The following NRXN3 variants were observed in gnomAD, a reference collection of about 807,000 sequenced individuals.
The protein encoded by NRXN3 is neurexin III.
Under a neutral mutation model 137.6 loss-of-function variants are expected in NRXN3, and 32 were observed. That is an observed-to-expected ratio of 0.23 (90% confidence interval 0.18 to 0.31). NRXN3 has a LOEUF of 0.31. Ranked by LOEUF, NRXN3 falls within the 10% of genes least tolerant of loss-of-function variation. NRXN3 has a pLI of 1.00. For synonymous variants in NRXN3, 798 were observed against 784.5 expected (o/e 1.02, Z -0.29); for missense variants, 1,574 against 2,062.5 (o/e 0.76, Z 4.59).
At chr14:78,216,057 T>C (rs2063245228) in intron 1 of NRXN3, among the ~76,000 whole-genome samples, 1 of 152,240 alleles carries the variant, frequency 6.6e-6, no homozygotes, top group Non-Finnish European at 1.5e-5. Context: ...GGGAGCATGG[T>C]ATAAAAACTT....
In NRXN3 at chr14:78,548,508, C is replaced by T. The variant is rs76417505; in HGVS notation, c.758-96612C>T. 4.2e-3 allele frequency among the ~76,000 whole-genome samples: 646 copies of T among 152,278 alleles called. 5 individuals are homozygous for T. The highest frequency in any genetic ancestry group is 0.014 in the African/African-American group (594 of 41,566). ...AGACAGAAGTTTTTTAAAAAATAAA[C>T]TCCACATACTGTATGTAACTGCACT... is the stretch of plus-strand genomic sequence containing the variant. On this transcript the variant is annotated intron_variant, in intron 4 of 20. Coordinates refer to ENST00000335750, the MANE Select transcript of NRXN3 (RefSeq NM_001330195.2).
At chr14:78,409,803 A>G (rs2092715000) in intron 4 of NRXN3, among the ~76,000 whole-genome samples, 1 of 152,304 alleles carries the variant, frequency 6.6e-6, no homozygotes. Flanking sequence ...ATGGTACTCT[A>G]TCAGGGTTAC....
chr14:79,167,730 T>C (rs1373220893), intron 15 of NRXN3, among the ~76,000 whole-genome samples: 1 of 151,914 alleles, frequency 6.6e-6, no homozygotes, highest in African/African-American at 2.4e-5. Context: ...TCTGGTTCAC[T>C]TCTCATGGGA....
At chr14:78,924,269 G>A (rs928075167) in intron 10 of NRXN3, among the ~76,000 whole-genome samples, 1 of 152,156 alleles carries the variant, frequency 6.6e-6, no homozygotes, top group African/African-American at 2.4e-5. Flanking sequence ...ACTTTAATAC[G>A]TGTGAGTATA....
chr14:79,065,626 G>C (rs1465941538), intron 15 of NRXN3, among the ~76,000 whole-genome samples: 1 of 152,030 alleles, frequency 6.6e-6, no homozygotes, highest in Non-Finnish European at 1.5e-5. Flanking sequence ...GGTGCTGGCG[G>C]GGTTGGTTTA....
chr14:78,226,488 A>T (rs1019058384), intron 1 of NRXN3, among the ~76,000 whole-genome samples: 1 of 152,216 alleles, frequency 6.6e-6, no homozygotes, highest in Non-Finnish European at 1.5e-5. Flanking sequence ...TGGGTATTTT[A>T]AAAAGAGAGA....
At chr14:79,226,961 C>T (rs545544298) in intron 15 of NRXN3, among the ~76,000 whole-genome samples, 1 of 151,572 alleles carries the variant, frequency 6.6e-6, no homozygotes, top group South Asian at 2.1e-4. Flanking sequence ...GCTAGGATTA[C>T]AGGCATGCAC....
At chr14:79,823,198 A>G (rs1193150926) in intron 20 of NRXN3, among the ~76,000 whole-genome samples, 1 of 152,170 alleles carries the variant, frequency 6.6e-6, no homozygotes, top group African/African-American at 2.4e-5. Flanking sequence ...TGGGTAATCT[A>G]TACCAATAAC....
intron 4 of NRXN3, among the ~76,000 whole-genome samples, chr14:78,594,901 A>C (rs1194573986): frequency 6.6e-6 from 1 of 152,222 alleles, no homozygotes; most frequent in Non-Finnish European, 1.5e-5. Flanking sequence ...TCAGTACCAC[A>C]GGAGTAACTC....
At chr14:78,676,535 G>A (rs2098009073) in intron 6 of NRXN3, among the ~76,000 whole-genome samples, 1 of 151,978 alleles carries the variant, frequency 6.6e-6, no homozygotes, top group Non-Finnish European at 1.5e-5. Context: ...AATTAGTAAA[G>A]GTTAGTTCAA....
At chr14:78,496,000 T>C (rs977106935) in intron 4 of NRXN3, among the ~76,000 whole-genome samples, 1 of 152,234 alleles carries the variant, frequency 6.6e-6, no homozygotes, top group Non-Finnish European at 1.5e-5. Context: ...TTAGCAAAAG[T>C]AGCACATTGA....
At chr14:78,405,240 C>T (rs1055218304) in intron 4 of NRXN3, among the ~76,000 whole-genome samples, 2 of 152,100 alleles carry the variant, frequency 1.3e-5, no homozygotes, top group African/African-American at 4.8e-5. Flanking sequence ...GTAAAACTAG[C>T]AAAGGGCAGA....
At position 78,278,659 on chromosome 14, in the gene NRXN3, C is replaced by A; in HGVS notation, c.724C>A (p.Pro242Thr). ...KLCSEDVSQD[P>T]GLSHLMMSEQ... ...TGCTGCCACAGATGTCAGTCAAGAT[C>A]CAGGTGAGTCTTTGTGTTTGCACAG... The change falls in exon 3 of 21, where the codon CCA becomes ACA. Residue 242 changes from proline to threonine, a missense_variant. Coordinates refer to ENST00000335750, the MANE Select transcript of NRXN3 (RefSeq NM_001330195.2). 11 of 1,535,148 alleles carry A rather than the reference C, an allele frequency of 7.2e-6. No individual in the cohort carries two copies. Among genetic ancestry groups the A allele is most frequent in the Non-Finnish European group, 9.6e-6 (11 of 1,146,434 alleles).
intron 16 of NRXN3, among the ~76,000 whole-genome samples, chr14:79,526,732 A>G (rs1401302065): frequency 6.6e-6 from 1 of 152,220 alleles, no homozygotes; most frequent in Non-Finnish European, 1.5e-5. Flanking sequence ...AAACAAGGAA[A>G]TAAGTGTATG....
intron 10 of NRXN3, among the ~76,000 whole-genome samples, chr14:78,875,466 C>CA (rs1322446912): frequency 2.2e-5 from 3 of 133,714 alleles, no homozygotes; most frequent in African/African-American, 1.1e-4. Context: ...CATACAGTGC[C>CA]GTAATAAAAA....
At chr14:78,238,139 G>GCCCCCCCCCCCCCCCCCCCCCCGC (rs111555461) in intron 1 of NRXN3, among the ~76,000 whole-genome samples, 1 of 145,496 alleles carries the variant, frequency 6.9e-6, no homozygotes, top group Non-Finnish European at 1.5e-5. Flanking sequence ...AGTTGTGTGA[G>GCCCCCCCCCCCCCCCCCCCCCCGC]CCCCCCCCAC....
intron 15 of NRXN3, among the ~76,000 whole-genome samples, chr14:79,256,244 G>A (rs535948405): frequency 1.3e-5 from 2 of 152,098 alleles, no homozygotes; most frequent in African/African-American, 4.8e-5. Flanking sequence ...AAGGAATGCT[G>A]TGAGGAATTA....
chr14:78,518,266 G>C (rs189688783), intron 4 of NRXN3, among the ~76,000 whole-genome samples: 1 of 152,136 alleles, frequency 6.6e-6, no homozygotes, highest in Admixed American at 6.5e-5. Context: ...TGGTAAGTCA[G>C]AAAAGAGGCT....
At chr14:78,967,184 G>GTT (rs10603296) in intron 12 of NRXN3, 24 bp from the exon 13 acceptor site, 3,860 of 1,405,790 alleles carry the variant, frequency 2.7e-3, no homozygotes, top group South Asian at 5.6e-3. Flanking sequence ...TCCAATTATT[G>GTT]TTTTTTTTTT....
Sources: gnomAD v4.1 joint callset for allele counts (sites outside exome capture counted in the v4.1 genomes callset) on GRCh38, gnomAD v4.1.1 for gene constraint, MANE v1.5 for transcripts, NCBI Gene and HGNC (gene_info 2026-07-23, HGNC 2026-07-21) for gene names.